NBR1: variants seen among roughly 807,000 people sequenced by gnomAD.
The protein encoded by NBR1 is NBR1 autophagy cargo receptor, also known as next to BRCA1 gene 1 protein.
Under a neutral mutation model 115.5 loss-of-function variants are expected in NBR1, and 59 were observed. That is an observed-to-expected ratio of 0.51 (90% CI 0.41 to 0.63). NBR1 has a LOEUF of 0.63. NBR1 is among the 30% of genes least tolerant of loss of function. NBR1 has a pLI of 0.00. For synonymous variants in NBR1, 373 were observed against 414.7 expected (o/e 0.90, Z 1.22); for missense variants, 1,043 against 1,150.5 (o/e 0.91, Z 1.35).
chr17:43,179,174 AACTGTTATATTGC>A (rs1445225861), intron 3 of NBR1, among the ~76,000 whole-genome samples: 1 of 152,238 alleles, frequency 6.6e-6, no homozygotes, highest in African/African-American at 2.4e-5. Context: ...TCAAGCTCCT[AACTGTTATATTGC>A]ACTGCCTTTT....
At chr17:43,183,970 G>A (rs994957497) in intron 5 of NBR1, among the ~76,000 whole-genome samples, 9 of 151,848 alleles carry the variant, frequency 5.9e-5, no homozygotes, top group Admixed American at 1.3e-4. Context: ...ACCACACCTG[G>A]CTAGTTATTT....
intron 2 of NBR1, among the ~76,000 whole-genome samples, chr17:43,177,620 C>CACACAG (rs1330894405): frequency 5.2e-4 from 73 of 141,690 alleles, no homozygotes; most frequent in African/African-American, 1.7e-3. Flanking sequence ...CACACACACA[C>CACACAG]AGTTTGGTAT....
rs1455750786 is a variant in NBR1, at chr17:43,210,830, C to T, written c.*756C>T. 5.0e-6 allele frequency: 2 copies of T among 397,686 alleles called. No homozygotes were observed. Among genetic ancestry groups the T allele is most frequent in the Non-Finnish European group, 8.9e-6 (2 of 225,888 alleles). The allele number at this position is 397,686 out of a possible 1,614,324, so 24.6% of individuals were successfully genotyped here. A position where few individuals can be genotyped will look rare whatever the true frequency, so the allele number is the denominator to read the frequency against. On this transcript the variant is annotated 3_prime_UTR_variant, in exon 21 of 21. Transcript: ENST00000590996. ...AATATAGGTATTGTGAAATATTTTG[C>T]TAATCTTATAGAAAAGGAAAAAATC...
chr17:43,201,335 G>T (rs2057193127), intron 17 of NBR1, among the ~76,000 whole-genome samples: 1 of 152,192 alleles, frequency 6.6e-6, no homozygotes, highest in South Asian at 2.1e-4. Flanking sequence ...ATTCTCTGGT[G>T]AATCTATCTG....
intron 7 of NBR1, 67 bp from the exon 8 acceptor site, chr17:43,189,521 G>A: frequency 9.0e-7 from 1 of 1,108,714 alleles, no homozygotes; most frequent in Non-Finnish European, 1.4e-6. Flanking sequence ...CAGATCTATT[G>A]ATATCTTCAC....
chr17:43,201,060 G>C (rs1567864966), intron 17 of NBR1, among the ~76,000 whole-genome samples: 1 of 152,034 alleles, frequency 6.6e-6, no homozygotes, highest in Non-Finnish European at 1.5e-5. Context: ...GTAGAAGCGG[G>C]GTTTTGCCAC....
In NBR1 at chr17:43,191,566, A is replaced by T. The variant is rs752111367; in HGVS notation, c.1058A>T (p.Gln353Leu). Residue 353 changes from glutamine (Q) to leucine (L), a missense_variant, in exon 10 of 21, where the codon CAG becomes CTG. Gln to Leu is a moderately radical substitution (Grantham distance 113, BLOSUM62 -2). Transcript: ENST00000590996. ...TTAGGCCGACCTGAGAGCTTGCTCC[A>T]GTCTAATACCCTGATGTAAGCCCAG... ...SPLGRPESLL[Q>L]SNTLMLPLQP... 3.1e-6 allele frequency: 5 copies of T among 1,611,558 alleles called. No individual in the cohort carries two copies. Among genetic ancestry groups the T allele is most frequent in the Non-Finnish European group, 4.2e-6 (5 of 1,178,832 alleles).
chr17:43,191,630 G>T, intron 10 of NBR1, 49 bp downstream of exon 10: 1 of 1,329,244 alleles, frequency 7.5e-7, no homozygotes, highest in East Asian at 2.4e-5. Flanking sequence ...CCAGCTCTCT[G>T]AAACTGGAAC....
intron 1 of NBR1, among the ~76,000 whole-genome samples, chr17:43,175,227 C>A (rs925777084): frequency 2.6e-5 from 4 of 152,166 alleles, no homozygotes; most frequent in Non-Finnish European, 5.9e-5. Context: ...CCTGTAAGTT[C>A]GTAAAACTGG....
chr17:43,189,858 C>T, intron 8 of NBR1, 56 bp downstream of exon 8: 1 of 1,464,480 alleles, frequency 6.8e-7, no homozygotes, highest in Non-Finnish European at 9.5e-7. Flanking sequence ...CTTTTACCTC[C>T]CTGGCTTTCT....
intron 3 of NBR1, among the ~76,000 whole-genome samples, chr17:43,178,768 CTTTT>C (rs770102583): frequency 7.9e-6 from 1 of 127,192 alleles, no homozygotes; most frequent in African/African-American, 2.9e-5. Context: ...AATGGCTAAG[CTTTT>C]TTTTTTTTTT....
At chr17:43,178,262 A>G (rs547024251) in intron 3 of NBR1, among the ~76,000 whole-genome samples, 3 of 150,490 alleles carry the variant, frequency 2.0e-5, no homozygotes, top group East Asian at 3.9e-4. Context: ...TGCTCAGGCC[A>G]GTCTTGAACT....
In NBR1 at chr17:43,191,383, A is replaced by G; in HGVS notation, c.875A>G (p.Gln292Arg). The change falls in exon 10 of 21, where the codon CAG becomes CGG. Residue 292 changes from glutamine to arginine, a missense_variant. Gln to Arg is a conservative substitution (Grantham distance 43, BLOSUM62 1). Coordinates refer to ENST00000590996, the MANE Select transcript of NBR1 (RefSeq NM_005899.5). ...AALEQVRLQK[Q>R]VDKNFLKAEK... is the part of the protein sequence containing the mutation. ...TTATTATCTCACAGGCTCCAGAAAC[A>G]GGTTGATAAGAACTTTCTTAAAGCA... 1 of 1,611,678 alleles carries G rather than the reference A, an allele frequency of 6.2e-7. No individual in the cohort carries two copies. The highest frequency in any genetic ancestry group is 8.5e-7 in the Non-Finnish European group (1 of 1,178,318).
rs761645298 is a variant in NBR1 at position 43,194,969 on chromosome 17, G to A, written c.1680G>A (p.Leu560=). The A allele has an allele frequency of 1.2e-6, 2 of 1,613,402 alleles. No homozygotes were observed. Among genetic ancestry groups the A allele is most frequent in the Admixed American group, 1.7e-5 (1 of 59,924 alleles). ...AACATTGTCTTTTTTTATAGGACCT[G>A]CTGTCCTTTGAGCTGTTGGATATAA... is the stretch of plus-strand genomic sequence containing the variant. ...PSVDLLTAQD[L]LSFELLDINI... is the part of the protein sequence containing the mutation. The change falls in exon 14 of 21, where the codon CTG becomes CTA. Residue 560 remains leucine, a synonymous_variant. Coordinates refer to ENST00000590996, the MANE Select transcript of NBR1 (RefSeq NM_005899.5).
Position 43,175,896 on chromosome 17 carries a change from G to GCT in NBR1, c.98_99dup (p.Met34LeufsTer3). The stretch of plus-strand genomic sequence containing the variant: ...AAATACAACTTGGGCTGATATCGAA[G>GCT]CTATGGTGAGTGTTACTTTATTTTG... On this transcript the variant is annotated frameshift_variant, in exon 2 of 21. Transcript: ENST00000590996. LOFTEE classifies it high-confidence loss of function. The GCT allele has an allele frequency of 6.4e-7, 1 of 1,551,660 alleles. No homozygotes were observed. The highest frequency in any genetic ancestry group is 8.9e-7 in the Non-Finnish European group (1 of 1,125,890).
rs370041740 is a variant in NBR1, at chr17:43,191,584, A to G, written c.1073+3A>G. ...TTGCTCCAGTCTAATACCCTGATGT[A>G]AGCCCAGGACTGGGGTGGGAGCCAA... On this transcript the variant is annotated splice_donor_region_variant and intron_variant, in intron 10 of 20. Transcript: ENST00000590996. 1 of 1,604,492 alleles carries G rather than the reference A, an allele frequency of 6.2e-7. No homozygotes were observed. Among genetic ancestry groups the G allele is most frequent in the Non-Finnish European group, 8.5e-7 (1 of 1,175,692 alleles).
At chr17:43,205,975 C>G (rs531157204) in intron 20 of NBR1, among the ~76,000 whole-genome samples, 1 of 149,430 alleles carries the variant, frequency 6.7e-6, no homozygotes, top group Non-Finnish European at 1.5e-5. Context: ...GTCAGGAGTT[C>G]GAGACCAGCC....
intron 13 of NBR1, 128 bp from the exon 14 acceptor site, chr17:43,194,836 C>T (rs2057030246): frequency 2.8e-6 from 2 of 708,632 alleles, no homozygotes; most frequent in Non-Finnish European, 4.8e-6. Context: ...CTTGTTTTCA[C>T]TTGTCTGGGG....
intron 6 of NBR1, 21 bp downstream of exon 6, chr17:43,186,465 T>C: frequency 1.4e-6 from 2 of 1,481,216 alleles, no homozygotes; most frequent in Admixed American, 6.0e-5. Flanking sequence ...TATGGCCCAG[T>C]CTATCCAATA....
Sources: gnomAD v4.1 joint callset for allele counts (sites outside exome capture counted in the v4.1 genomes callset) on GRCh38, gnomAD v4.1.1 for gene constraint, MANE v1.5 for transcripts, NCBI Gene and HGNC (gene_info 2026-07-23, HGNC 2026-07-21) for gene names.